TCF7L2: variants seen among roughly 807,000 people sequenced by gnomAD.
TCF7L2 encodes transcription factor 7 like 2.
A neutral mutation model predicts 77.9 loss-of-function variants in TCF7L2; 23 were observed. The ratio of observed to expected loss-of-function variants is 0.30; its 90% CI spans 0.21 to 0.42. The LOEUF is 0.42. TCF7L2 is among the 10% of genes least tolerant of loss of function. The pLI is 1.00. For synonymous variants in TCF7L2, 413 were observed against 340.2 expected (o/e 1.21, Z -2.36); for missense variants, 654 against 793.1 (o/e 0.82, Z 2.11).
At chr10:113,048,739 G>C (rs1215275334) in intron 5 of TCF7L2, among the ~76,000 whole-genome samples, 1 of 152,208 alleles carries the variant, frequency 6.6e-6, no homozygotes, top group Non-Finnish European at 1.5e-5. Context: ...CAGGCTGAGG[G>C]CTCCTATCTC....
At chr10:112,972,251 T>C (rs2038440756) in intron 4 of TCF7L2, among the ~76,000 whole-genome samples, 1 of 152,218 alleles carries the variant, frequency 6.6e-6, no homozygotes, top group South Asian at 2.1e-4. Flanking sequence ...ACTGCCCTTA[T>C]GTTCCAGTGA....
chr10:112,983,443 C>A (rs1450325639), intron 4 of TCF7L2, among the ~76,000 whole-genome samples: 2 of 152,096 alleles, frequency 1.3e-5, no homozygotes, highest in Admixed American at 6.5e-5. Context: ...CCACTGCACT[C>A]CAGCCTGGGC....
rs397694307 is a variant in TCF7L2 at position 112,974,994 on chromosome 10, T to TA, written c.450+10371dup. On this transcript the variant is annotated intron_variant, in intron 4 of 13. Coordinates refer to ENST00000627217, the MANE Select transcript of TCF7L2 (RefSeq NM_001146274.2). The stretch of plus-strand genomic sequence containing the variant: ...TTTTTTTTTCTTTTTCTTTTTTTTT[T>TA]ACTGGTTTGCCTTGAAATCTTAGCA... Among the ~76,000 whole-genome samples, 34 of 151,778 alleles carry TA rather than the reference T, an allele frequency of 2.2e-4. No homozygotes were observed. The East Asian group carries it at 6.2e-3, about 28-fold the overall frequency.
At position 113,148,490 on chromosome 10, in the gene TCF7L2, C is replaced by T. The variant is rs145116037; in HGVS notation, c.875+2393C>T. On this transcript the variant is annotated intron_variant, in intron 8 of 13. Coordinates refer to ENST00000627217, the MANE Select transcript of TCF7L2 (RefSeq NM_001146274.2). The stretch of plus-strand genomic sequence containing the variant: ...TTGTTGCACAGGAAAATGCATCCTA[C>T]TGCTTGTGCATAAAATCAAGGCCGG... Among the ~76,000 whole-genome samples, 140 of 152,272 alleles carry T rather than the reference C, an allele frequency of 9.2e-4. 1 individual carries two copies. In the Middle Eastern group the frequency reaches 0.014, roughly 15 times the overall value.
chr10:112,974,306 C>G (rs2038924519), intron 4 of TCF7L2, among the ~76,000 whole-genome samples: 1 of 152,132 alleles, frequency 6.6e-6, no homozygotes, highest in South Asian at 2.1e-4. Context: ...GATACCAAGA[C>G]AATGTCTGGT....
chr10:112,998,094 G>C (rs1224879756), intron 4 of TCF7L2, among the ~76,000 whole-genome samples: 1 of 151,624 alleles, frequency 6.6e-6, no homozygotes, highest in African/African-American at 2.4e-5. Context: ...CCCAGGTTCT[G>C]GTCCTACTTT....
chr10:112,984,288 A>T (rs1267754801), intron 4 of TCF7L2, among the ~76,000 whole-genome samples: 1 of 152,154 alleles, frequency 6.6e-6, no homozygotes, highest in Non-Finnish European at 1.5e-5. Context: ...AGGCTTTGTG[A>T]ATCAGAAAGC....
chr10:112,986,097 G>A (rs2041480925), intron 4 of TCF7L2, among the ~76,000 whole-genome samples: 1 of 152,068 alleles, frequency 6.6e-6, no homozygotes, highest in South Asian at 2.1e-4. Flanking sequence ...AACACTAAGA[G>A]CCTTAGCCAC....
chr10:113,011,124 A>G (rs2046379931), intron 4 of TCF7L2, among the ~76,000 whole-genome samples: 3 of 152,186 alleles, frequency 2.0e-5, no homozygotes, highest in Admixed American at 2.0e-4. Flanking sequence ...AGTATCCTTA[A>G]TGGTTAGTGG....
chr10:113,110,072 A>G (rs1028493736), intron 5 of TCF7L2, among the ~76,000 whole-genome samples: 2 of 152,222 alleles, frequency 1.3e-5, no homozygotes, highest in Non-Finnish European at 2.9e-5. Flanking sequence ...TAAACACGTC[A>G]GTTATATTTT....
At chr10:113,060,796 C>T (rs2056310096) in intron 5 of TCF7L2, among the ~76,000 whole-genome samples, 1 of 151,936 alleles carries the variant, frequency 6.6e-6, no homozygotes, top group Admixed American at 6.6e-5. Flanking sequence ...GGCGCTGTGT[C>T]CCCAAGGAGA....
intron 4 of TCF7L2, among the ~76,000 whole-genome samples, chr10:113,021,538 A>C (rs10787472): frequency 0.53 from 81,343 of 152,054 alleles, 24,349 homozygotes; most frequent in African/African-American, 0.8. Flanking sequence ...GTGTACTACT[A>C]TAAGCTGCTG....
intron 4 of TCF7L2, among the ~76,000 whole-genome samples, chr10:112,968,566 G>A (rs935845394): frequency 7.2e-5 from 11 of 152,026 alleles, no homozygotes; most frequent in Admixed American, 3.9e-4. Context: ...GAGTCAAAAG[G>A]TATACTCGGG....
intron 4 of TCF7L2, among the ~76,000 whole-genome samples, chr10:112,997,781 A>C (rs911226194): frequency 6.6e-6 from 1 of 152,166 alleles, no homozygotes; most frequent in South Asian, 2.1e-4. Flanking sequence ...TGTTGGGCCT[A>C]GAGTGTCACA....
chr10:112,977,467 C>T (rs1365665784), intron 4 of TCF7L2, among the ~76,000 whole-genome samples: 11 of 152,186 alleles, frequency 7.2e-5, no homozygotes, highest in Admixed American at 4.6e-4. Context: ...CATTGACATA[C>T]GGGCCGTCAT....
Position 113,040,039 on chromosome 10 carries a change from A to G in TCF7L2, c.465A>G (p.Lys155=). 1.2e-6 allele frequency: 2 copies of G among 1,613,662 alleles called. No individual in the cohort carries two copies. Among genetic ancestry groups the G allele is most frequent in the South Asian group, 1.1e-5 (1 of 90,996 alleles). Residue 155 remains lysine (K), a synonymous_variant, in exon 5 of 14, where the codon AAA becomes AAG. Transcript: ENST00000627217. ...CCTCTCGCCAGTATCTCCAGATGAA[A>G]TGGCCACTGCTTGATGTCCAGGCAG...
chr10:113,151,039 C>A lies in TCF7L2; in HGVS notation c.917C>A (p.Thr306Lys). Residue 306 changes from threonine to lysine, a missense_variant, in exon 9 of 14, where the codon ACG becomes AAG. Physicochemically the swap from Thr to Lys is moderately conservative, Grantham distance 78. Coordinates refer to ENST00000627217, the MANE Select transcript of TCF7L2 (RefSeq NM_001146274.2). The surrounding 1 kb of genome is among the most constrained non-coding windows in gnomAD (Gnocchi z 5.2). ...GTCCCACCACATCATACGCTACACA[C>A]GACGGGCATTCCGCATCCGGCCATA... is the stretch of plus-strand genomic sequence containing the variant. 6.2e-7 allele frequency: 1 copy of A among 1,614,094 alleles called. No homozygotes were observed. The highest frequency in any genetic ancestry group is 8.5e-7 in the Non-Finnish European group (1 of 1,180,018).
At chr10:112,959,381 C>G (rs1325476228) in intron 3 of TCF7L2, among the ~76,000 whole-genome samples, 2 of 152,082 alleles carry the variant, frequency 1.3e-5, no homozygotes, top group Admixed American at 1.3e-4. Context: ...AGTTAATGAT[C>G]GTTCTCTGAC....
At chr10:113,088,541 G>A (rs952341684) in intron 5 of TCF7L2, among the ~76,000 whole-genome samples, 7 of 152,174 alleles carry the variant, frequency 4.6e-5, no homozygotes, top group Middle Eastern at 3.2e-3. Flanking sequence ...TCAAATTAAC[G>A]CATATTTCTT....
Sources: allele counts gnomAD v4.1 joint callset (sites outside exome capture counted in the v4.1 genomes callset), GRCh38; gene constraint gnomAD v4.1.1; non-coding constraint Gnocchi (gnomAD v3.1); transcripts MANE v1.5; gene names NCBI Gene and HGNC (gene_info 2026-07-23, HGNC 2026-07-21).